Variants in ARMC3 observed in about 807,000 individuals in gnomAD.
ARMC3 encodes armadillo repeat containing 3, also known as armadillo repeat-containing protein 3.
Under a neutral mutation model 90.3 loss-of-function variants are expected in ARMC3, and 74 were observed. The observed-to-expected ratio is 0.82, with a 90% CI of 0.68 to 0.99. The LOEUF (loss-of-function observed/expected upper bound fraction) is 0.99. Among genes scored for constraint, ARMC3 ranks in the 50% least tolerant of loss-of-function variants. The probability of loss-of-function intolerance (pLI) is 0.00; values close to 1 mark genes in which losing one functional copy is unlikely to be tolerated. For synonymous variants in ARMC3, 334 were observed against 361.8 expected (o/e 0.92, Z 0.87); for missense variants, 958 against 1,042.8 (o/e 0.92, Z 1.12).
At chr10:22,971,942 T>G (rs572074922) in intron 8 of ARMC3, among the ~76,000 whole-genome samples, 1 of 152,274 alleles carries the variant, frequency 6.6e-6, no homozygotes, top group East Asian at 1.9e-4. Context: ...GCCCTAATGA[T>G]TAGCAACTTC....
At position 22,998,337 on chromosome 10, in the gene ARMC3, G is replaced by A. The variant is rs770405326; in HGVS notation, c.1365G>A (p.Val455=). 1 of 1,613,888 alleles carries A rather than the reference G, an allele frequency of 6.2e-7. No homozygotes were observed. Among genetic ancestry groups the A allele is most frequent in the Non-Finnish European group, 8.5e-7 (1 of 1,179,918 alleles). ...CACTGCGTTCTGCAAACACAGTCGT[G>A]CAGAGCAAAGCTGCTCTCGCTGTCA... The part of the protein sequence containing the change: ...ISPLRSANTV[V]QSKAALAVTA... Residue 455 remains valine (V), a synonymous_variant, in exon 11 of 19, where the codon GTG becomes GTA. Coordinates refer to ENST00000298032, the MANE Select transcript of ARMC3 (RefSeq NM_173081.5).
In ARMC3 at chr10:22,965,617, A is replaced by T. The variant is rs548841320; in HGVS notation, c.733-2689A>T. ...TTTTTCAGTCATTATTTATGCAAAT[A>T]TTTTTTTCCATTCCTTCTCTCCCTC... On this transcript the variant is annotated intron_variant, in intron 7 of 18. Transcript: ENST00000298032. 1.6e-3 allele frequency among the ~76,000 whole-genome samples: 241 copies of T among 152,090 alleles called. 1 individual carries two copies. The highest frequency in any genetic ancestry group is 5.6e-3 in the African/African-American group (233 of 41,484).
At chr10:23,014,402 T>C in intron 16 of ARMC3, 1 of 1,183,192 alleles carries the variant, frequency 8.5e-7, no homozygotes, top group Non-Finnish European at 1.1e-6. Flanking sequence ...GTTGCCTGTC[T>C]TTTGGTCAAC....
At chr10:22,970,818 C>A (rs1465703149) in intron 8 of ARMC3, among the ~76,000 whole-genome samples, 1 of 152,162 alleles carries the variant, frequency 6.6e-6, no homozygotes, top group Non-Finnish European at 1.5e-5. Flanking sequence ...ACTCACAGAA[C>A]TGAAGAACTC....
intron 16 of ARMC3, among the ~76,000 whole-genome samples, chr10:23,025,569 C>G (rs1294550122): frequency 1.3e-5 from 2 of 151,896 alleles, no homozygotes; most frequent in Non-Finnish European, 2.9e-5. Flanking sequence ...TAAAGCATAT[C>G]AAAATTTGTG....
intron 2 of ARMC3, among the ~76,000 whole-genome samples, chr10:22,936,917 T>C (rs1342065762): frequency 6.6e-6 from 1 of 152,166 alleles, no homozygotes; most frequent in Admixed American, 6.5e-5. Flanking sequence ...CTTTTTTTCT[T>C]TTTTGAGATA....
intron 16 of ARMC3, among the ~76,000 whole-genome samples, chr10:23,016,264 A>T (rs12355471): frequency 0.21 from 31,246 of 152,172 alleles, 3,338 homozygotes; most frequent in African/African-American, 0.24. Context: ...GGCTGGGTTC[A>T]TGACCTGTAT....
At chr10:23,026,910 A>G (rs1389335937) in intron 16 of ARMC3, among the ~76,000 whole-genome samples, 1 of 152,184 alleles carries the variant, frequency 6.6e-6, no homozygotes, top group East Asian at 1.9e-4. Flanking sequence ...CACCTTTGTC[A>G]AAAATCAGTG....
At position 22,998,397 on chromosome 10, in the gene ARMC3, G is replaced by C; in HGVS notation, c.1425G>C (p.Glu475Asp). The change falls in exon 11 of 19, where the codon GAG becomes GAC. Residue 475 changes from glutamate to aspartate, a missense_variant and splice_region_variant. Physicochemically the swap from Glu to Asp is conservative, Grantham distance 45. Transcript: ENST00000298032. ...CGTGTGACGTTGAAGCCCGGACTGA[G>C]GTGAGAATTTTAATAACATGTGTTC... Reference protein sequence around the residue: ...ATACDVEARTELRNSGGLEPL... With the variant: ...ATACDVEARTDLRNSGGLEPL... The C allele has an allele frequency of 6.2e-7, 1 of 1,613,654 alleles. No individual in the cohort carries two copies. The highest frequency in any genetic ancestry group is 8.5e-7 in the Non-Finnish European group (1 of 1,179,750).
intron 18 of ARMC3, among the ~76,000 whole-genome samples, chr10:23,036,072 T>C (rs552581903): frequency 6.6e-6 from 1 of 152,200 alleles, no homozygotes; most frequent in Non-Finnish European, 1.5e-5. Flanking sequence ...TTACCCTCTA[T>C]AAAACGGGGA....
At chr10:22,933,631 C>T (rs1834012827) in intron 2 of ARMC3, among the ~76,000 whole-genome samples, 1 of 152,124 alleles carries the variant, frequency 6.6e-6, no homozygotes, top group East Asian at 1.9e-4. Flanking sequence ...GACTATAAAA[C>T]TGACAGAGTG....
intron 2 of ARMC3, among the ~76,000 whole-genome samples, chr10:22,945,062 C>A (rs1834473226): frequency 6.6e-6 from 1 of 152,170 alleles, no homozygotes; most frequent in Admixed American, 6.5e-5. Flanking sequence ...ATTCAGCAGC[C>A]ATTTCTCCTC....
At chr10:23,014,895 A>G (rs1413899678) in intron 16 of ARMC3, among the ~76,000 whole-genome samples, 3 of 151,528 alleles carry the variant, frequency 2.0e-5, no homozygotes, top group Admixed American at 6.6e-5. Context: ...TGTACAAAAA[A>G]AAAAAAAAAA....
At chr10:22,973,820 G>A (rs1380755629) in intron 8 of ARMC3, among the ~76,000 whole-genome samples, 5 of 141,956 alleles carry the variant, frequency 3.5e-5, no homozygotes, top group East Asian at 2.1e-4. Flanking sequence ...GTGCAGTGGC[G>A]CGATCTTGGC....
chr10:22,939,543 A>G (rs1246272389), intron 2 of ARMC3, among the ~76,000 whole-genome samples: 1 of 152,208 alleles, frequency 6.6e-6, no homozygotes, highest in African/African-American at 2.4e-5. Flanking sequence ...CCAGCCCTAT[A>G]GAAAAGGTTT....
At chr10:22,929,420 C>T (rs1833846753) in intron 1 of ARMC3, among the ~76,000 whole-genome samples, 1 of 152,144 alleles carries the variant, frequency 6.6e-6, no homozygotes, top group Admixed American at 6.5e-5. Context: ...CCTTGTTTTC[C>T]AAATTCTCCA....
chr10:22,938,139 G>A (rs1364301358), intron 2 of ARMC3, among the ~76,000 whole-genome samples: 2 of 152,126 alleles, frequency 1.3e-5, no homozygotes, highest in Non-Finnish European at 2.9e-5. Flanking sequence ...CTTCTTGTGG[G>A]ATCTCAACCA....
intron 4 of ARMC3, among the ~76,000 whole-genome samples, chr10:22,957,841 A>T (rs1835011909): frequency 6.6e-6 from 1 of 152,240 alleles, no homozygotes; most frequent in African/African-American, 2.4e-5. Context: ...TAATCAAAAA[A>T]GGGAAGATTT....
At chr10:22,962,969 A>C (rs1465052968) in intron 7 of ARMC3, among the ~76,000 whole-genome samples, 1 of 152,182 alleles carries the variant, frequency 6.6e-6, no homozygotes, top group African/African-American at 2.4e-5. Flanking sequence ...TCCTAGTAAC[A>C]CTATATAGTA....
Sources: gnomAD v4.1 joint callset for allele counts (sites outside exome capture counted in the v4.1 genomes callset) on GRCh38, gnomAD v4.1.1 for gene constraint, MANE v1.5 for transcripts, NCBI Gene and HGNC (gene_info 2026-07-23, HGNC 2026-07-21) for gene names.